The following RIPOR2 variants were observed in gnomAD, a reference collection of about 807,000 sequenced individuals.
RIPOR2 encodes the protein rho family-interacting cell polarization regulator 2.
A neutral mutation model predicts 114.5 loss-of-function variants in RIPOR2; 39 were observed. The observed-to-expected ratio is 0.34, with a 90% confidence interval of 0.26 to 0.44. RIPOR2 has a LOEUF of 0.44. Ranked by LOEUF, RIPOR2 falls within the 20% of genes least tolerant of loss-of-function variation. The pLI, the probability that RIPOR2 is intolerant of heterozygous loss-of-function variation, is 1.00. For synonymous variants in RIPOR2, 445 were observed against 484.4 expected (o/e 0.92, Z 1.07); for missense variants, 1,007 against 1,255.1 (o/e 0.80, Z 2.99).
At chr6:24,999,781 C>A (rs1273761063) in intron 1 of RIPOR2, among the ~76,000 whole-genome samples, 1 of 152,142 alleles carries the variant, frequency 6.6e-6, no homozygotes, top group East Asian at 1.9e-4. Context: ...TGGTCTTGAT[C>A]TCCTGGCCTC....
chr6:25,008,553 G>T (rs1775650530), intron 1 of RIPOR2, among the ~76,000 whole-genome samples: 1 of 152,182 alleles, frequency 6.6e-6, no homozygotes, highest in Non-Finnish European at 1.5e-5. Flanking sequence ...ATCCATTTTG[G>T]ACTTCTGGCC....
rs1762786706 is a variant in RIPOR2, at chr6:24,850,564, C to A, written c.885+33G>T. 5 of 1,613,132 alleles carry A rather than the reference C, an allele frequency of 3.1e-6. No individual in the cohort carries two copies. The East Asian group carries it at 1.1e-4, about 36-fold the overall frequency. On this transcript the variant is annotated intron_variant, in intron 10 of 21. Transcript: ENST00000643898. ...CCAATGGATCATCCAGCCGTGGCAC[C>A]AGGAAAGACAACAGGCAATGACAAT...
At chr6:25,033,863 CT>C (rs200381101) in intron 1 of RIPOR2, among the ~76,000 whole-genome samples, 1 of 151,624 alleles carries the variant, frequency 6.6e-6, no homozygotes, top group African/African-American at 2.4e-5. Flanking sequence ...ATTTTATTCT[CT>C]TTTTTTTGGT....
intron 1 of RIPOR2, among the ~76,000 whole-genome samples, chr6:25,036,514 C>G (rs1045279927): frequency 2.6e-5 from 4 of 152,072 alleles, no homozygotes; most frequent in Non-Finnish European, 4.4e-5. Flanking sequence ...GCCTCAGCCT[C>G]CTGAGTAGCT....
chr6:24,936,361 T>G (rs1771809335), upstream of RIPOR2, among the ~76,000 whole-genome samples: 1 of 152,260 alleles, frequency 6.6e-6, no homozygotes, highest in South Asian at 2.1e-4. Context: ...AGCAAGCCAC[T>G]ATGTTAAACC....
intron 1 of RIPOR2, among the ~76,000 whole-genome samples, chr6:25,023,032 T>C (rs1306539372): frequency 1.3e-5 from 2 of 152,014 alleles, no homozygotes; most frequent in East Asian, 3.9e-4. Context: ...TTAATTGTCA[T>C]TTAATAGCTA....
At chr6:25,030,389 G>C (rs963693644) in intron 1 of RIPOR2, among the ~76,000 whole-genome samples, 3 of 152,168 alleles carry the variant, frequency 2.0e-5, no homozygotes, top group African/African-American at 7.2e-5. Flanking sequence ...TCCCCTGAGA[G>C]AGGACCAGAG....
At chr6:24,843,697 CCGTGTGTG>C in intron 12 of RIPOR2, 143 bp from the exon 13 acceptor site, 4 of 472,150 alleles carry the variant, frequency 8.5e-6, no homozygotes, top group South Asian at 7.8e-5. Flanking sequence ...TTTGTTGATG[CCGTGTGTG>C]TGTGTGTGTG....
chr6:24,940,136 A>G (rs1197843811), upstream of RIPOR2, among the ~76,000 whole-genome samples: 1 of 152,186 alleles, frequency 6.6e-6, no homozygotes, highest in Non-Finnish European at 1.5e-5. Flanking sequence ...ACACAGTATT[A>G]TTATTTTGAG....
chr6:25,032,067 A>T (rs1051197899), intron 1 of RIPOR2, among the ~76,000 whole-genome samples: 3 of 151,634 alleles, frequency 2.0e-5, no homozygotes, highest in Admixed American at 2.0e-4. Flanking sequence ...TCCTAATAGG[A>T]GTAAAGTTTC....
rs116638174 is a variant in RIPOR2, at chr6:25,039,896, G to T, written c.76+1955C>A. Among the ~76,000 whole-genome samples, 517 of 152,298 alleles carry T rather than the reference G, an allele frequency of 3.4e-3. 1 individual carries two copies. Among genetic ancestry groups the T allele is most frequent in the South Asian group, 9.7e-3 (47 of 4,826 alleles). ...TATATCAAAGAAAAAGAAGTATTTTGCTTGATGCAAATTGTTTGCTTGTCT... is the reference window on the plus strand; with the variant it reads ...TATATCAAAGAAAAAGAAGTATTTTTCTTGATGCAAATTGTTTGCTTGTCT... On this transcript the variant is annotated intron_variant, in intron 1 of 13. Transcript: ENST00000510784.
intron 1 of RIPOR2, among the ~76,000 whole-genome samples, chr6:24,886,545 C>T (rs1766853046): frequency 6.6e-6 from 1 of 152,218 alleles, no homozygotes; most frequent in African/African-American, 2.4e-5. Flanking sequence ...TTGACATTGA[C>T]ATTTTAATGG....
Position 24,836,992 on chromosome 6 carries a change from A to G in RIPOR2, c.2040-1121T>C, listed in dbSNP as rs189863693. Among the ~76,000 whole-genome samples the G allele has an allele frequency of 2.0e-5, 3 of 152,358 alleles. No homozygotes were observed. The East Asian group carries it at 5.8e-4, about 29-fold the overall frequency. On this transcript the variant is annotated intron_variant, in intron 14 of 21. Coordinates refer to ENST00000643898, the MANE Select transcript of RIPOR2 (RefSeq NM_001286445.3). Reference sequence around the variant, plus strand: ...AATGTTTCTTATAGCAAGAAGAAAAAAAGTTTAGATTGATGCCTGACTTTG... The same window carrying G: ...AATGTTTCTTATAGCAAGAAGAAAAGAAGTTTAGATTGATGCCTGACTTTG...
chr6:25,033,967 T>C (rs1484073102), intron 1 of RIPOR2, among the ~76,000 whole-genome samples: 1 of 152,112 alleles, frequency 6.6e-6, no homozygotes, highest in Non-Finnish European at 1.5e-5. Flanking sequence ...TGCTATTCAT[T>C]TGAAATACAG....
At chr6:24,888,106 A>G (rs1766995508) in intron 1 of RIPOR2, among the ~76,000 whole-genome samples, 1 of 152,202 alleles carries the variant, frequency 6.6e-6, no homozygotes, top group South Asian at 2.1e-4. Flanking sequence ...ACATTTACCT[A>G]TTTTAAAAAA....
intron 1 of RIPOR2, among the ~76,000 whole-genome samples, chr6:24,895,205 A>G (rs1319215219): frequency 6.6e-6 from 1 of 151,954 alleles, no homozygotes; most frequent in Non-Finnish European, 1.5e-5. Context: ...GGCACACCCC[A>G]CCATGCCCGG....
intron 1 of RIPOR2, among the ~76,000 whole-genome samples, chr6:24,996,664 C>G (rs978641054): frequency 6.6e-6 from 1 of 152,226 alleles, no homozygotes; most frequent in African/African-American, 2.4e-5. Flanking sequence ...ACTTTCAACA[C>G]CCAGGTGAGA....
chr6:24,956,689 C>CT (rs35005316), intron 1 of RIPOR2, among the ~76,000 whole-genome samples: 120,801 of 152,110 alleles, frequency 0.79, 51,561 homozygotes, highest in East Asian at 0.96. Flanking sequence ...GGCAGTCTGC[C>CT]GCAGAGGCTG....
chr6:24,887,519 T>C (rs1766944445), intron 1 of RIPOR2, among the ~76,000 whole-genome samples: 1 of 152,234 alleles, frequency 6.6e-6, no homozygotes, highest in East Asian at 1.9e-4. Context: ...TTGAGAGATA[T>C]CTGACTTTTA....
Sources: gnomAD v4.1 joint callset for allele counts (sites outside exome capture counted in the v4.1 genomes callset) on GRCh38, gnomAD v4.1.1 for gene constraint, MANE v1.5 for transcripts, NCBI Gene and HGNC (gene_info 2026-07-23, HGNC 2026-07-21) for gene names.